Variants in AKT3 observed in about 807,000 individuals in gnomAD.
AKT3 encodes the protein RAC-gamma serine/threonine-protein kinase.
A neutral mutation model predicts 65.3 loss-of-function variants in AKT3; 15 were observed. The ratio of observed to expected loss-of-function variants is 0.23; its 90% confidence interval spans 0.15 to 0.35. The LOEUF is 0.35. Ranked by LOEUF, AKT3 falls within the 10% of genes least tolerant of loss-of-function variation. The pLI, the probability that AKT3 is intolerant of heterozygous loss-of-function variation, is 1.00. For missense variants in AKT3, 243 were observed against 576.5 expected (o/e 0.42, Z 5.92); for synonymous variants, 206 against 183.8 (o/e 1.12, Z -0.98).
intron 2 of AKT3, among the ~76,000 whole-genome samples, chr1:243,839,727 T>C (rs1695119722): frequency 6.6e-6 from 1 of 152,030 alleles, no homozygotes; most frequent in Non-Finnish European, 1.5e-5. Flanking sequence ...ACAAATCAGA[T>C]TATATCTGGA....
intron 2 of AKT3, chr1:243,735,842 T>C (rs1315793165): frequency 6.6e-6 from 1 of 152,154 alleles, no homozygotes; most frequent in African/African-American, 2.4e-5. Flanking sequence ...GAAGAATAAA[T>C]AGAATGGGAG....
At chr1:243,652,783 A>AAAC (rs1404755498) in intron 4 of AKT3, among the ~76,000 whole-genome samples, 5 of 148,706 alleles carry the variant, frequency 3.4e-5, no homozygotes, top group African/African-American at 1.2e-4. Flanking sequence ...AAAAAAAAAA[A>AAAC]AAAAAAAAAA....
At chr1:243,742,446 G>A (rs1425899140) in intron 2 of AKT3, among the ~76,000 whole-genome samples, 7 of 152,242 alleles carry the variant, frequency 4.6e-5, no homozygotes, top group Admixed American at 3.9e-4. Context: ...CCAATATGGC[G>A]AAACCCCGTC....
intron 12 of AKT3, among the ~76,000 whole-genome samples, chr1:243,515,857 G>A (rs1216989898): frequency 6.6e-6 from 1 of 152,024 alleles, no homozygotes; most frequent in Non-Finnish European, 1.5e-5. Context: ...GGCTGTGGTG[G>A]CAGGTGCCTG....
intron 10 of AKT3, among the ~76,000 whole-genome samples, chr1:243,560,157 T>C (rs1673676338): frequency 6.6e-6 from 1 of 152,150 alleles, no homozygotes; most frequent in South Asian, 2.1e-4. Flanking sequence ...CACTTTTCCT[T>C]TTCCTTCCAC....
intron 10 of AKT3, among the ~76,000 whole-genome samples, chr1:243,555,357 T>C (rs1222488766): frequency 3.9e-5 from 6 of 152,186 alleles, no homozygotes; most frequent in African/African-American, 1.2e-4. Flanking sequence ...ATCCTACATG[T>C]GGATACATAT....
intron 2 of AKT3, among the ~76,000 whole-genome samples, chr1:243,706,204 C>T (rs1009222285): frequency 1.3e-4 from 20 of 152,302 alleles, no homozygotes; most frequent in African/African-American, 4.8e-4. Flanking sequence ...AACCTACCAC[C>T]ATTTGAAATA....
chr1:243,804,825 T>C (rs1692626008), intron 2 of AKT3, among the ~76,000 whole-genome samples: 1 of 150,248 alleles, frequency 6.7e-6, no homozygotes, highest in Non-Finnish European at 1.5e-5. Flanking sequence ...CCAGCCTGGG[T>C]GACAGAGCAA....
intron 3 of AKT3, among the ~76,000 whole-genome samples, chr1:243,691,259 C>T (rs1684672493): frequency 6.6e-6 from 1 of 152,070 alleles, no homozygotes; most frequent in African/African-American, 2.4e-5. Flanking sequence ...ATTGCTGATA[C>T]ATAATTGTAG....
chr1:243,841,677 T>C (rs958044605), intron 2 of AKT3, among the ~76,000 whole-genome samples: 3 of 152,116 alleles, frequency 2.0e-5, no homozygotes, highest in African/African-American at 4.8e-5. Flanking sequence ...ATTCCTAAGT[T>C]ATTACCCAAG....
In AKT3 at chr1:243,579,581, G is replaced by A. The variant is rs563054326; in HGVS notation, c.697-6533C>T. 1.6e-4 allele frequency among the ~76,000 whole-genome samples: 25 copies of A among 152,224 alleles called. No individual in the cohort carries two copies. The South Asian group carries it at 5.0e-3, about 30-fold the overall frequency. ...GGGCTGAAAAGAGAATGTGAAGGTA[G>A]AAATAATACACCATTCCTTTAAAAA... is the stretch of plus-strand genomic sequence containing the variant. On this transcript the variant is annotated intron_variant, in intron 8 of 13. Coordinates refer to ENST00000673466, the MANE Select transcript of AKT3 (RefSeq NM_005465.7).
chr1:243,685,347 T>C (rs1013080139), intron 3 of AKT3, among the ~76,000 whole-genome samples: 2 of 152,188 alleles, frequency 1.3e-5, no homozygotes, highest in Non-Finnish European at 2.9e-5. Context: ...CTTGAGTTAA[T>C]TTGTGCATAA....
At chr1:243,609,216 G>T (rs1366114176) in intron 8 of AKT3, among the ~76,000 whole-genome samples, 3 of 148,680 alleles carry the variant, frequency 2.0e-5, no homozygotes, top group Non-Finnish European at 4.5e-5. Flanking sequence ...TATACTCCAA[G>T]AACTAAATAA....
intron 2 of AKT3, among the ~76,000 whole-genome samples, chr1:243,767,123 G>C (rs1415101816): frequency 1.3e-5 from 2 of 152,148 alleles, no homozygotes; most frequent in Non-Finnish European, 2.9e-5. Flanking sequence ...GGCAGAAAAG[G>C]CTCAAGAACA....
Position 243,642,281 on chromosome 1 carries a change from T to C in AKT3, c.429+3612A>G, listed in dbSNP as rs1203368509. The stretch of plus-strand genomic sequence containing the variant: ...TGTTTTGGTCTTCTGGATGATGTTA[T>C]GGAAAAAGATACAGTAAGTCCTTTT... On this transcript the variant is annotated intron_variant, in intron 5 of 13. Coordinates refer to ENST00000673466, the MANE Select transcript of AKT3 (RefSeq NM_005465.7). 2.6e-5 allele frequency among the ~76,000 whole-genome samples: 4 copies of C among 152,220 alleles called. No homozygotes were observed. In the East Asian group the frequency reaches 5.8e-4, roughly 22 times the overall value.
At chr1:243,678,423 G>A (rs1364738633) in intron 3 of AKT3, among the ~76,000 whole-genome samples, 1 of 152,056 alleles carries the variant, frequency 6.6e-6, no homozygotes, top group African/African-American at 2.4e-5. Flanking sequence ...CTAGAAGAAT[G>A]GGGGGAAAAT....
At position 243,512,384 on chromosome 1, in the gene AKT3, T is replaced by C; in HGVS notation, c.1294A>G (p.Thr432Ala). 1.3e-6 allele frequency: 2 copies of C among 1,592,790 alleles called. No individual in the cohort carries two copies. The highest frequency in any genetic ancestry group is 1.7e-6 in the Non-Finnish European group (2 of 1,167,650). The change falls in exon 13 of 14, where the codon ACT becomes GCT. Residue 432 changes from threonine (T) to alanine (A), a missense_variant. Physicochemically the swap from Thr to Ala is moderately conservative, Grantham distance 58. Transcript: ENST00000673466. ...GTAAATTCTTCATCAAAATATCTAG[T>C]ATCTGTCTCAGATGTTACTTGAGGT... ...FKPQVTSETD[T>A]RYFDEEFTAQ...
intron 13 of AKT3, among the ~76,000 whole-genome samples, chr1:243,508,037 T>C (rs544392901): frequency 2.0e-5 from 3 of 152,330 alleles, no homozygotes; most frequent in South Asian, 2.1e-4. Context: ...GGGAAGACAA[T>C]TGCTAACGAA....
intron 8 of AKT3, among the ~76,000 whole-genome samples, chr1:243,601,382 C>G (rs1351633969): frequency 1.3e-5 from 2 of 151,978 alleles, no homozygotes; most frequent in Non-Finnish European, 2.9e-5. Flanking sequence ...CAAATTGAAG[C>G]TAAAAAATAC....
Sources: gnomAD v4.1 joint callset for allele counts (sites outside exome capture counted in the v4.1 genomes callset) on GRCh38, gnomAD v4.1.1 for gene constraint, MANE v1.5 for transcripts, NCBI Gene and HGNC (gene_info 2026-07-23, HGNC 2026-07-21) for gene names.